NOD2: variants seen among roughly 807,000 people sequenced by gnomAD.
The protein encoded by NOD2 is nucleotide binding oligomerization domain containing 2.
In NOD2, 86 loss-of-function variants were observed where a neutral mutation model predicts 90.9. That is an observed-to-expected ratio of 0.95 (90% CI 0.79 to 1.13). The LOEUF (loss-of-function observed/expected upper bound fraction) is 1.13. NOD2 is among the 50% of genes most tolerant of loss of function. The pLI is 0.00. For missense variants in NOD2, 1,238 were observed against 1,283.8 expected (o/e 0.96, Z 0.55); for synonymous variants, 581 against 554.6 (o/e 1.05, Z -0.67).
intron 7 of NOD2, among the ~76,000 whole-genome samples, chr16:50,720,764 A>T (rs550581151): frequency 2.6e-5 from 4 of 152,260 alleles, no homozygotes; most frequent in Non-Finnish European, 5.9e-5. Context: ...GTTCCAGCCC[A>T]TTTCACAGGG....
rs104895492 is a variant in NOD2, at chr16:50,711,301, G to A, written c.1309G>A (p.Gly437Arg). 2.5e-5 allele frequency: 41 copies of A among 1,613,548 alleles called. No individual in the cohort carries two copies. Among genetic ancestry groups the A allele is most frequent in the Non-Finnish European group, 3.1e-5 (37 of 1,180,014 alleles). ...LYLRKRHHEP[G>R]VADRLIRLLQ... is the part of the protein sequence containing the mutation. ...CCTGAGGAAGCGCCATCATGAGCCC[G>A]GGGTGGCGGACCGCCTCATCCGCCT... The change falls in exon 4 of 12, where the codon GGG becomes AGG. Residue 437 changes from glycine (G) to arginine (R), a missense_variant. Gly to Arg is a moderately radical substitution (Grantham distance 125, BLOSUM62 -2). Transcript: ENST00000647318.
At chr16:50,727,365 G>T (rs1394787027) in intron 10 of NOD2, 1 of 167,466 alleles carries the variant, frequency 6.0e-6, no homozygotes, top group East Asian at 1.8e-4. Context: ...GTTGTAGGTT[G>T]GAGCAAAAGT....
chr16:50,699,667 G>A lies in NOD2; in HGVS notation c.172G>A (p.Ala58Thr), dbSNP rs1373206847. ...CCTGGGCCAGCCTCTCTCCCACTTG[G>A]CCAGGCGCCTTCTGGACACCGTCTG... Reference protein sequence around the residue: ...HLLGQPLSHLARRLLDTVWNK... With the variant: ...HLLGQPLSHLTRRLLDTVWNK... The change falls in exon 2 of 12, where the codon GCC becomes ACC. Residue 58 changes from alanine (A) to threonine (T), a missense_variant. Around this residue, in one of 3 missense-constraint regions of NOD2, gnomAD observed 567 missense variants for 577.3 expected, o/e 0.98. Transcript: ENST00000647318. 3 of 1,614,032 alleles carry A rather than the reference G, an allele frequency of 1.9e-6. No individual in the cohort carries two copies. The African/African-American group carries it at 4.0e-5, about 22-fold the overall frequency.
In NOD2 at chr16:50,716,577, G is replaced by C; in HGVS notation, c.2382-10G>C. On this transcript the variant is annotated splice_polypyrimidine_tract_variant and intron_variant, in intron 4 of 11. Coordinates refer to ENST00000647318, the MANE Select transcript of NOD2 (RefSeq NM_001370466.1). Reference sequence around the variant, plus strand: ...CTCCATTTTCAAATGTATTTATTTTGTCTCTTTAGTTTGCGCGATAACAAT... The same window carrying C: ...CTCCATTTTCAAATGTATTTATTTTCTCTCTTTAGTTTGCGCGATAACAAT... The C allele has an allele frequency of 2.5e-6, 4 of 1,612,336 alleles. No individual in the cohort carries two copies. The highest frequency in any genetic ancestry group is 2.5e-6 in the Non-Finnish European group (3 of 1,178,694).
At position 50,723,396 on chromosome 16, in the gene NOD2, G is replaced by T; in HGVS notation, c.2801+12G>T. ...CTAGAAGAACTCTGGTGAGTTTGGGGGATTCTCTGCTCTGGGGAAGTGGAT... is the reference window on the plus strand; with the variant it reads ...CTAGAAGAACTCTGGTGAGTTTGGGTGATTCTCTGCTCTGGGGAAGTGGAT... On this transcript the variant is annotated intron_variant, in intron 9 of 11. Coordinates refer to ENST00000647318, the MANE Select transcript of NOD2 (RefSeq NM_001370466.1). The T allele has an allele frequency of 6.2e-7, 1 of 1,612,436 alleles. No homozygotes were observed. The highest frequency in any genetic ancestry group is 8.5e-7 in the Non-Finnish European group (1 of 1,178,694).
chr16:50,708,022 G>C (rs977170173), intron 3 of NOD2, 62 bp downstream of exon 3: 3 of 1,149,652 alleles, frequency 2.6e-6, no homozygotes, highest in Non-Finnish European at 4.0e-6. Flanking sequence ...CCATGGTTAA[G>C]AGCAGAACAC....
chr16:50,722,519 C>A, intron 7 of NOD2, 103 bp from the exon 8 acceptor site: 2 of 1,121,084 alleles, frequency 1.8e-6, no homozygotes, highest in Non-Finnish European at 2.7e-6. Flanking sequence ...GTGGTCCTGC[C>A]CCTCTGGCTG....
At chr16:50,724,206 C>T (rs1019300531) in intron 9 of NOD2, among the ~76,000 whole-genome samples, 8 of 152,170 alleles carry the variant, frequency 5.3e-5, no homozygotes, top group South Asian at 2.1e-4. Flanking sequence ...AAAGGCACTG[C>T]AACATATGGG....
intron 2 of NOD2, among the ~76,000 whole-genome samples, chr16:50,701,928 ATTTG>A (rs1285934456): frequency 1.3e-5 from 2 of 152,210 alleles, no homozygotes; most frequent in Non-Finnish European, 2.9e-5. Flanking sequence ...GAAGGAAGGC[ATTTG>A]TTTATTTATT....
chr16:50,729,979 G>C, intron 11 of NOD2, 78 bp downstream of exon 11: 1 of 1,015,232 alleles, frequency 9.8e-7, no homozygotes, highest in East Asian at 2.5e-5. Flanking sequence ...ACGGGAGAGA[G>C]GAATGGCAGA....
intron 3 of NOD2, 114 bp downstream of exon 3, chr16:50,708,074 A>G: frequency 2.6e-6 from 2 of 766,788 alleles, no homozygotes; most frequent in Middle Eastern, 3.5e-4. Flanking sequence ...TAGCCTCCCT[A>G]TGACTCAATT....
intron 7 of NOD2, 63 bp downstream of exon 7, chr16:50,720,071 G>A: frequency 6.7e-7 from 1 of 1,481,736 alleles, no homozygotes; most frequent in South Asian, 1.1e-5. Context: ...AGGATTTAGG[G>A]GCAGGTGAAA....
intron 1 of NOD2, among the ~76,000 whole-genome samples, chr16:50,695,954 A>G (rs1415444270): frequency 6.6e-6 from 1 of 152,202 alleles, no homozygotes; most frequent in African/African-American, 2.4e-5. Flanking sequence ...ATTGGAGCCA[A>G]ATGAAGAAGG....
At chr16:50,709,218 C>G (rs1035452142) in intron 3 of NOD2, among the ~76,000 whole-genome samples, 2 of 152,130 alleles carry the variant, frequency 1.3e-5, no homozygotes, top group Non-Finnish European at 2.9e-5. Context: ...GAAAGCTCAG[C>G]AATAATCATC....
chr16:50,717,775 A>C (rs748397336), intron 6 of NOD2, among the ~76,000 whole-genome samples: 5 of 152,218 alleles, frequency 3.3e-5, no homozygotes, highest in Admixed American at 6.5e-5. Flanking sequence ...CAGACTCACA[A>C]GCCTGGAATA....
At chr16:50,720,832 T>C (rs1965019845) in intron 7 of NOD2, among the ~76,000 whole-genome samples, 1 of 151,474 alleles carries the variant, frequency 6.6e-6, no homozygotes, top group Admixed American at 6.6e-5. Flanking sequence ...TGAGATGTAG[T>C]CTCACTCTGT....
chr16:50,725,109 C>G (rs961653016), intron 9 of NOD2, among the ~76,000 whole-genome samples: 1 of 152,314 alleles, frequency 6.6e-6, no homozygotes. Context: ...ATGTATCAAC[C>G]ATGTGTATGT....
In NOD2 at chr16:50,701,630, A is replaced by G. The variant is rs1203984650; in HGVS notation, c.459+1676A>G. Among the ~76,000 whole-genome samples the G allele has an allele frequency of 5.3e-5, 8 of 152,346 alleles. No individual in the cohort carries two copies. In the South Asian group the frequency reaches 1.7e-3, roughly 32 times the overall value. ...AGAAGTTACAAGATTGTGTCTTGTC[A>G]TCTTTAAAAGTTCAGCAATGTGATG... On this transcript the variant is annotated intron_variant, in intron 2 of 11. Coordinates refer to ENST00000647318, the MANE Select transcript of NOD2 (RefSeq NM_001370466.1).
intron 1 of NOD2, chr16:50,697,614 C>G (rs1454403848): frequency 2.2e-6 from 1 of 447,970 alleles, no homozygotes; most frequent in East Asian, 4.6e-5. Context: ...CCACCCCACC[C>G]TCTTGGCTCC....
Sources: gnomAD v4.1 joint callset for allele counts (sites outside exome capture counted in the v4.1 genomes callset) on GRCh38, gnomAD v4.1.1 for gene constraint, gnomAD v4.1.1 regional missense constraint, MANE v1.5 for transcripts, NCBI Gene and HGNC (gene_info 2026-07-23, HGNC 2026-07-21) for gene names.